Variants in TBC1D19 observed in about 807,000 individuals in gnomAD.
The protein encoded by TBC1D19 is TBC1 domain family member 19.
TBC1D19 carries 60 observed loss-of-function variants against 89.0 expected under a neutral mutation model. The observed-to-expected ratio is 0.67, with a 90% confidence interval of 0.55 to 0.84. The LOEUF (loss-of-function observed/expected upper bound fraction) is 0.84, where lower values mean the gene tolerates loss of function less well. Among genes scored for constraint, TBC1D19 ranks in the 40% least tolerant of loss-of-function variants. The pLI is 0.00. For synonymous variants in TBC1D19, 189 were observed against 199.7 expected (o/e 0.95, Z 0.45); for missense variants, 500 against 610.8 (o/e 0.82, Z 1.91).
At chr4:26,769,435 A>T in the TBC1D19 span, among the ~76,000 whole-genome samples, 1 of 152,218 alleles carries the variant, frequency 6.6e-6, no homozygotes, top group Admixed American at 6.5e-5. Flanking sequence ...AAAAATAAAC[A>T]GTGTAAAGCA....
At chr4:26,593,093 A>G (rs1413046646) in intron 1 of TBC1D19, among the ~76,000 whole-genome samples, 2 of 152,246 alleles carry the variant, frequency 1.3e-5, no homozygotes, top group Non-Finnish European at 2.9e-5. Flanking sequence ...AAACTATACT[A>G]CAAGGCTACA....
chr4:26,663,507 G>A (rs939533946), intron 8 of TBC1D19, among the ~76,000 whole-genome samples: 1 of 152,146 alleles, frequency 6.6e-6, no homozygotes, highest in African/African-American at 2.4e-5. Flanking sequence ...AGGTAAAAAA[G>A]CAGGGAAAGG....
chr4:26,797,135 A>G, the TBC1D19 span, among the ~76,000 whole-genome samples: 2 of 152,196 alleles, frequency 1.3e-5, no homozygotes, highest in Non-Finnish European at 2.9e-5. Flanking sequence ...AGAAAACTCT[A>G]AAGGCTCCTC....
intron 11 of TBC1D19, among the ~76,000 whole-genome samples, chr4:26,677,651 T>G (rs1041930311): frequency 7.2e-5 from 11 of 152,154 alleles, no homozygotes; most frequent in African/African-American, 2.7e-4. Context: ...AATCTTGAAT[T>G]GTACTTATAA....
At chr4:26,639,497 GATAA>G (rs1425209889) in intron 6 of TBC1D19, among the ~76,000 whole-genome samples, 39 of 152,158 alleles carry the variant, frequency 2.6e-4, no homozygotes, top group African/African-American at 9.4e-4. Context: ...TTAAAAATAG[GATAA>G]ATAGTGAAAA....
intron 18 of TBC1D19, among the ~76,000 whole-genome samples, chr4:26,748,206 C>G (rs1340119961): frequency 6.6e-6 from 1 of 152,142 alleles, no homozygotes; most frequent in African/African-American, 2.4e-5. Flanking sequence ...TGTAATTCTT[C>G]CTCTTAATAC....
At chr4:26,817,706 A>G in the TBC1D19 span, among the ~76,000 whole-genome samples, 2 of 151,956 alleles carry the variant, frequency 1.3e-5, no homozygotes, top group African/African-American at 4.8e-5. Context: ...GGTGGCATAC[A>G]CTTGTAATCC....
At chr4:26,735,939 C>T (rs1201222973) in intron 16 of TBC1D19, among the ~76,000 whole-genome samples, 1 of 148,640 alleles carries the variant, frequency 6.7e-6, no homozygotes, top group Non-Finnish European at 1.5e-5. Context: ...CACTTTTACA[C>T]TGTTGGTGGG....
chr4:26,643,132 C>T (rs1191180971), intron 7 of TBC1D19, among the ~76,000 whole-genome samples: 5 of 152,220 alleles, frequency 3.3e-5, no homozygotes, highest in East Asian at 1.9e-4. Context: ...ACATTCTTCT[C>T]AGCACCACAT....
At chr4:26,842,609 TTTCTTTCTTTC>T in the TBC1D19 span, among the ~76,000 whole-genome samples, 2 of 141,380 alleles carry the variant, frequency 1.4e-5, no homozygotes, top group Non-Finnish European at 3.0e-5. Flanking sequence ...TCTTTCTTTC[TTTCTTTCTTTC>T]TTTCTTTCTT....
intron 1 of TBC1D19, among the ~76,000 whole-genome samples, chr4:26,585,956 T>C (rs1739386845): frequency 6.6e-6 from 1 of 152,162 alleles, no homozygotes; most frequent in African/African-American, 2.4e-5. Flanking sequence ...TTTGGTGACA[T>C]AAATTTTTAT....
the TBC1D19 span, among the ~76,000 whole-genome samples, chr4:26,780,881 A>G: frequency 2.0e-5 from 3 of 152,330 alleles, no homozygotes; most frequent in East Asian, 5.8e-4. Flanking sequence ...TCTGGAGGGA[A>G]GTTCCTGATG....
chr4:26,737,576 A>G (rs1303993686), intron 16 of TBC1D19, among the ~76,000 whole-genome samples: 3 of 152,180 alleles, frequency 2.0e-5, no homozygotes, highest in Non-Finnish European at 2.9e-5. Context: ...TAAATAGGCT[A>G]CAGTTTATAC....
At chr4:26,822,881 AG>A in the TBC1D19 span, among the ~76,000 whole-genome samples, 539 of 152,348 alleles carry the variant, frequency 3.5e-3, 1 homozygote, top group African/African-American at 0.012. Context: ...CCTCTCCAGC[AG>A]GGATCCAGTC....
upstream of TBC1D19, among the ~76,000 whole-genome samples, chr4:26,580,864 C>T (rs1322041608): frequency 1.3e-5 from 2 of 152,106 alleles, no homozygotes; most frequent in African/African-American, 2.4e-5. Context: ...CATGTGATAC[C>T]ACTAGTCAGT....
At chr4:26,776,017 C>T in the TBC1D19 span, among the ~76,000 whole-genome samples, 1 of 152,118 alleles carries the variant, frequency 6.6e-6, no homozygotes, top group African/African-American at 2.4e-5. Flanking sequence ...TGACTCTAGT[C>T]ATCATTGAAA....
At chr4:26,614,932 C>T (rs777713944) in intron 3 of TBC1D19, among the ~76,000 whole-genome samples, 2 of 152,066 alleles carry the variant, frequency 1.3e-5, no homozygotes, top group African/African-American at 2.4e-5. Context: ...CCTGCATTGG[C>T]CCCCCAAAGT....
rs1267309905 is a variant in TBC1D19, at chr4:26,688,391, A to G, written c.938A>G (p.Glu313Gly). The change falls in exon 13 of 21, where the codon GAA becomes GGA. Residue 313 changes from glutamate to glycine, a missense_variant. Physicochemically the swap from Glu to Gly is moderately conservative, Grantham distance 98 (BLOSUM62 -2). Around this residue, in one of 2 missense-constraint regions of TBC1D19, gnomAD observed 220 missense variants for 319.1 expected, o/e 0.69. Transcript: ENST00000264866. Reference sequence around the variant, plus strand: ...AATGATGATTATTATTTTGTATTTGAAGATTATTTATATCAGGTAAGTTTA... The same window carrying G: ...AATGATGATTATTATTTTGTATTTGGAGATTATTTATATCAGGTAAGTTTA... ...ASNDDYYFVF[E>G]DYLYQVLLCF... 1 of 1,565,958 alleles carries G rather than the reference A, an allele frequency of 6.4e-7. No homozygotes were observed. The highest frequency in any genetic ancestry group is 8.7e-7 in the Non-Finnish European group (1 of 1,151,504).
intron 11 of TBC1D19, among the ~76,000 whole-genome samples, chr4:26,676,979 A>T (rs978385126): frequency 4.6e-5 from 7 of 151,886 alleles, no homozygotes; most frequent in African/African-American, 1.5e-4. Context: ...TTCTTCTCAG[A>T]TCTCTCTTTT....
Sources: allele counts gnomAD v4.1 joint callset (sites outside exome capture counted in the v4.1 genomes callset), GRCh38; gene constraint gnomAD v4.1.1; regional missense constraint gnomAD v4.1.1; transcripts MANE v1.5; gene names NCBI Gene and HGNC (gene_info 2026-07-23, HGNC 2026-07-21).